The following SH3GL3 variants were observed in gnomAD, a reference collection of about 807,000 sequenced individuals.
SH3GL3 encodes SH3 domain containing GRB2 like 3, endophilin A3.
SH3GL3 carries 33 observed loss-of-function variants against 47.7 expected under a neutral mutation model. The ratio of observed to expected loss-of-function variants is 0.69; its 90% CI spans 0.52 to 0.92. The LOEUF (loss-of-function observed/expected upper bound fraction) is 0.92, where lower values mean the gene tolerates loss of function less well. Ranked by LOEUF, SH3GL3 falls within the 40% of genes least tolerant of loss-of-function variation. The probability of loss-of-function intolerance (pLI) is 0.00; values close to 1 mark genes in which losing one functional copy is unlikely to be tolerated. For synonymous variants in SH3GL3, 155 were observed against 148.8 expected (o/e 1.04, Z -0.30); for missense variants, 363 against 417.8 (o/e 0.87, Z 1.14).
chr15:83,513,415 G>A (rs1291758504), intron 1 of SH3GL3, among the ~76,000 whole-genome samples: 1 of 152,054 alleles, frequency 6.6e-6, no homozygotes, highest in Non-Finnish European at 1.5e-5. Context: ...ACCCTCCACT[G>A]TTGAGCCACA....
intron 1 of SH3GL3, among the ~76,000 whole-genome samples, chr15:83,555,192 CT>C (rs1201604547): frequency 1.3e-5 from 2 of 152,014 alleles, no homozygotes; most frequent in African/African-American, 2.4e-5. Flanking sequence ...CTATATAATA[CT>C]TTTTGTTTCT....
At chr15:83,451,012 G>C (rs1192936753) in intron 1 of SH3GL3, among the ~76,000 whole-genome samples, 1 of 120,844 alleles carries the variant, frequency 8.3e-6, no homozygotes, top group Admixed American at 8.8e-5. Flanking sequence ...GTGTCCATGT[G>C]ATCTCATTGT....
intron 1 of SH3GL3, among the ~76,000 whole-genome samples, chr15:83,548,154 T>C (rs1272167476): frequency 6.6e-6 from 1 of 151,768 alleles, no homozygotes; most frequent in Non-Finnish European, 1.5e-5. Context: ...ACTCCCTTAG[T>C]GGTGGCTTTT....
intron 1 of SH3GL3, among the ~76,000 whole-genome samples, chr15:83,478,851 G>A (rs764415555): frequency 3.9e-5 from 6 of 152,336 alleles, no homozygotes; most frequent in Non-Finnish European, 7.3e-5. Flanking sequence ...CATAATAAAC[G>A]TGTAATAAAT....
intron 8 of SH3GL3, among the ~76,000 whole-genome samples, chr15:83,598,066 T>C (rs765515936): frequency 4.6e-5 from 7 of 152,190 alleles, no homozygotes; most frequent in Non-Finnish European, 8.8e-5. Flanking sequence ...TTGCCTCCTG[T>C]GGTTAAGGGG....
intron 6 of SH3GL3, among the ~76,000 whole-genome samples, chr15:83,579,407 G>A (rs564770592): frequency 6.6e-6 from 1 of 152,314 alleles, no homozygotes; most frequent in East Asian, 1.9e-4. Flanking sequence ...AGGAGGGGTT[G>A]TCTGGCTTCT....
intron 8 of SH3GL3, among the ~76,000 whole-genome samples, chr15:83,596,722 G>A (rs546446021): frequency 6.6e-6 from 1 of 152,122 alleles, no homozygotes; most frequent in South Asian, 2.1e-4. Context: ...TTCCACCTCG[G>A]CCTCCAAAGT....
chr15:83,617,643 T>A (rs925177930), intron 8 of SH3GL3, among the ~76,000 whole-genome samples: 1 of 152,114 alleles, frequency 6.6e-6, no homozygotes, highest in Non-Finnish European at 1.5e-5. Context: ...ACCATTGCAC[T>A]CCAGCCTGGG....
intron 4 of SH3GL3, among the ~76,000 whole-genome samples, chr15:83,571,633 T>C (rs1049655678): frequency 6.6e-6 from 1 of 152,106 alleles, no homozygotes; most frequent in African/African-American, 2.4e-5. Context: ...TTACAGGTAA[T>C]TAAGTTGTCC....
At chr15:83,518,442 G>A (rs918057388) in intron 1 of SH3GL3, among the ~76,000 whole-genome samples, 5 of 152,210 alleles carry the variant, frequency 3.3e-5, no homozygotes, top group Admixed American at 6.5e-5. Context: ...TGACTGGTGT[G>A]AGATGGTATC....
intron 1 of SH3GL3, among the ~76,000 whole-genome samples, chr15:83,460,690 G>A (rs896170781): frequency 4.6e-5 from 7 of 152,092 alleles, no homozygotes; most frequent in African/African-American, 7.2e-5. Flanking sequence ...ATATGTGTGC[G>A]GATGTGTTTA....
chr15:83,580,922 A>T (rs747986796), intron 6 of SH3GL3, among the ~76,000 whole-genome samples: 5 of 152,256 alleles, frequency 3.3e-5, no homozygotes, highest in Non-Finnish European at 5.9e-5. Context: ...ACTTAGAAGC[A>T]TTCGCTCCAA....
intron 1 of SH3GL3, among the ~76,000 whole-genome samples, chr15:83,484,108 C>T (rs761519949): frequency 6.6e-6 from 1 of 152,200 alleles, no homozygotes; most frequent in African/African-American, 2.4e-5. Flanking sequence ...TCAGCAATCT[C>T]AAATGACCCT....
chr15:83,583,842 C>T (rs981330711), intron 6 of SH3GL3, among the ~76,000 whole-genome samples: 4 of 152,052 alleles, frequency 2.6e-5, no homozygotes, highest in African/African-American at 9.7e-5. Flanking sequence ...GTCCCCAGGC[C>T]CAGCCACGAT....
chr15:83,557,293 A>G (rs2045013027), intron 1 of SH3GL3, among the ~76,000 whole-genome samples: 1 of 152,176 alleles, frequency 6.6e-6, no homozygotes, highest in South Asian at 2.1e-4. Flanking sequence ...AACAATGAAA[A>G]TGTTTAGGAG....
chr15:83,633,170 A>G, the SH3GL3 span, among the ~76,000 whole-genome samples: 1 of 152,202 alleles, frequency 6.6e-6, no homozygotes, highest in Non-Finnish European at 1.5e-5. Context: ...TCAAGGCATT[A>G]TTGGCAGGTT....
intron 1 of SH3GL3, among the ~76,000 whole-genome samples, chr15:83,555,030 A>C (rs545910706): frequency 3.3e-5 from 5 of 152,098 alleles, no homozygotes; most frequent in African/African-American, 1.2e-4. Flanking sequence ...CTTATCCTTC[A>C]TATCTATTAA....
chr15:83,542,948 C>G (rs2044233209), intron 1 of SH3GL3, among the ~76,000 whole-genome samples: 1 of 151,810 alleles, frequency 6.6e-6, no homozygotes, highest in Non-Finnish European at 1.5e-5. Context: ...AATTTAGATC[C>G]CTTTTTTTCT....
At chr15:83,607,914 C>T (rs1401122580) in intron 8 of SH3GL3, among the ~76,000 whole-genome samples, 1 of 151,216 alleles carries the variant, frequency 6.6e-6, no homozygotes, top group Admixed American at 6.6e-5. Context: ...AACCCACACA[C>T]ATTGGACCTG....
Sources: allele counts gnomAD v4.1 joint callset (sites outside exome capture counted in the v4.1 genomes callset), GRCh38; gene constraint gnomAD v4.1.1; transcripts MANE v1.5; gene names NCBI Gene and HGNC (gene_info 2026-07-23, HGNC 2026-07-21).